The following PPM1B variants were observed in gnomAD, a reference collection of about 807,000 sequenced individuals.
PPM1B encodes protein phosphatase 1B.
In PPM1B, 22 loss-of-function variants were observed where a neutral mutation model predicts 43.0. The observed-to-expected ratio is 0.51, with a 90% confidence interval of 0.37 to 0.73. PPM1B has a LOEUF of 0.73. Among genes scored for constraint, PPM1B ranks in the 30% least tolerant of loss-of-function variants. PPM1B has a pLI of 0.00. For missense variants in PPM1B, 632 were observed against 584.2 expected, an observed-to-expected ratio of 1.08 and a Z score of -0.84; for synonymous variants, 217 against 197.9, an observed-to-expected ratio of 1.10 and a Z score of -0.81.
downstream of PPM1B, among the ~76,000 whole-genome samples, chr2:44,245,615 A>C (rs1670840701): frequency 6.6e-6 from 1 of 152,186 alleles, no homozygotes; most frequent in Admixed American, 6.5e-5. Flanking sequence ...CAGGTACAAA[A>C]ACCACCTGCC....
chr2:44,243,756 T>C (rs1298349665), intron 5 of PPM1B, among the ~76,000 whole-genome samples: 1 of 152,218 alleles, frequency 6.6e-6, no homozygotes, highest in Non-Finnish European at 1.5e-5. Context: ...TACTATACAT[T>C]TTATTATCTG....
At chr2:44,176,867 C>T (rs565363867) in intron 1 of PPM1B, among the ~76,000 whole-genome samples, 1 of 152,260 alleles carries the variant, frequency 6.6e-6, no homozygotes, top group East Asian at 1.9e-4. Flanking sequence ...TTGCAGCCGC[C>T]ACCTCCCAGT....
chr2:44,228,029 C>G (rs1054791179), intron 5 of PPM1B, among the ~76,000 whole-genome samples: 1 of 146,976 alleles, frequency 6.8e-6, no homozygotes, highest in African/African-American at 2.5e-5. Flanking sequence ...TCAAGCGATT[C>G]TCCTGCCTCA....
chr2:44,175,554 C>G (rs1021853987), intron 1 of PPM1B, among the ~76,000 whole-genome samples: 2 of 152,084 alleles, frequency 1.3e-5, no homozygotes, highest in Non-Finnish European at 2.9e-5. Context: ...TTCTGTTAAC[C>G]AGCAACTCAC....
chr2:44,234,909 G>C (rs563118126), downstream of PPM1B, among the ~76,000 whole-genome samples: 1 of 152,214 alleles, frequency 6.6e-6, no homozygotes, highest in South Asian at 2.1e-4. Context: ...TTTCATTTTT[G>C]TGAGCCCTTT....
intron 3 of PPM1B, among the ~76,000 whole-genome samples, chr2:44,217,168 G>T (rs987654917): frequency 3.9e-5 from 6 of 152,150 alleles, no homozygotes; most frequent in African/African-American, 1.4e-4. Context: ...GGGAGGCCGA[G>T]GTGGGTGGAT....
At chr2:44,170,445 AAACGT>A (rs1159058986) in intron 1 of PPM1B, among the ~76,000 whole-genome samples, 3 of 152,250 alleles carry the variant, frequency 2.0e-5, no homozygotes, top group Non-Finnish European at 4.4e-5. Context: ...TTCTGTTAAC[AAACGT>A]TTACAACTAC....
chr2:44,211,986 G>T (rs1669493408), intron 3 of PPM1B, among the ~76,000 whole-genome samples: 1 of 152,094 alleles, frequency 6.6e-6, no homozygotes, highest in African/African-American at 2.4e-5. Context: ...CTGACCTCAG[G>T]TGATCCGCCC....
chr2:44,202,855 T>C (rs1669004332), intron 2 of PPM1B, among the ~76,000 whole-genome samples: 1 of 152,192 alleles, frequency 6.6e-6, no homozygotes, highest in Non-Finnish European at 1.5e-5. Flanking sequence ...TACTCAGTTG[T>C]TTCAAGTGGG....
At chr2:44,182,620 G>A (rs188619500) in intron 1 of PPM1B, among the ~76,000 whole-genome samples, 1 of 152,090 alleles carries the variant, frequency 6.6e-6, no homozygotes, top group Non-Finnish European at 1.5e-5. Flanking sequence ...TTTTCTAATT[G>A]TGATTTGCTT....
At chr2:44,210,619 C>G (rs911286185) in intron 3 of PPM1B, among the ~76,000 whole-genome samples, 1 of 152,042 alleles carries the variant, frequency 6.6e-6, no homozygotes, top group African/African-American at 2.4e-5. Flanking sequence ...TTATGTAATA[C>G]CACGTTTGGC....
At position 44,201,660 on chromosome 2, in the gene PPM1B, C is replaced by T. The variant is rs1261802098; in HGVS notation, c.461C>T (p.Ala154Val). 1 of 1,614,184 alleles carries T rather than the reference C, an allele frequency of 6.2e-7. No homozygotes were observed. Among genetic ancestry groups the T allele is most frequent in the Non-Finnish European group, 8.5e-7 (1 of 1,180,036 alleles). ...IYFINCGDSR[A>V]VLYRNGQVCF... Reference sequence around the variant, plus strand: ...TTTATCAACTGTGGTGATTCACGTGCTGTTCTGTATAGGAATGGACAAGTC... The same window carrying T: ...TTTATCAACTGTGGTGATTCACGTGTTGTTCTGTATAGGAATGGACAAGTC... The change falls in exon 2 of 6, where the codon GCT becomes GTT. Residue 154 changes from alanine (A) to valine (V), a missense_variant. This residue lies in a region of PPM1B where 200 missense variants were observed against 200.7 expected (regional missense o/e 1.00). Transcript: ENST00000282412. The surrounding 1 kb of genome is among the most constrained non-coding windows in gnomAD (Gnocchi z 5.4).
chr2:44,201,631 C>A lies in PPM1B; in HGVS notation c.432C>A (p.Ile144=). 6.2e-7 allele frequency: 1 copy of A among 1,614,156 alleles called. No homozygotes were observed. The highest frequency in any genetic ancestry group is 1.1e-5 in the South Asian group (1 of 91,084). ...GAGTTATGATTTCACCTAAGCATATCTACTTTATCAACTGTGGTGATTCAC... is the reference window on the plus strand; with the variant it reads ...GAGTTATGATTTCACCTAAGCATATATACTTTATCAACTGTGGTGATTCAC... ...AVGVMISPKH[I]YFINCGDSRA... Residue 144 remains isoleucine (I), a synonymous_variant, in exon 2 of 6, where the codon ATC becomes ATA. Transcript: ENST00000282412. This position sits in a 1 kb window ranked among gnomAD's most constrained non-coding sequence, Gnocchi z 5.4.
At chr2:44,210,392 T>G (rs1011000678) in intron 3 of PPM1B, among the ~76,000 whole-genome samples, 4 of 151,978 alleles carry the variant, frequency 2.6e-5, no homozygotes, top group African/African-American at 7.2e-5. Flanking sequence ...CTAGTTTTCT[T>G]TATTTTTTGT....
chr2:44,182,169 T>C (rs928722014), intron 1 of PPM1B, among the ~76,000 whole-genome samples: 1 of 152,238 alleles, frequency 6.6e-6, no homozygotes, highest in African/African-American at 2.4e-5. Flanking sequence ...GGTTCTGAAA[T>C]GGCTGTATGT....
chr2:44,183,949 A>G (rs1357628198), intron 1 of PPM1B, among the ~76,000 whole-genome samples: 1 of 152,106 alleles, frequency 6.6e-6, no homozygotes, highest in Non-Finnish European at 1.5e-5. Flanking sequence ...CGTGTTAGCC[A>G]GTATGGTCTC....
At chr2:44,186,889 A>G (rs991451133) in intron 1 of PPM1B, among the ~76,000 whole-genome samples, 5 of 152,342 alleles carry the variant, frequency 3.3e-5, no homozygotes, top group African/African-American at 1.2e-4. Context: ...TGTAGTACAA[A>G]AAGCACATAA....
chr2:44,230,137 A>C, intron 5 of PPM1B: 1 of 1,454,254 alleles, frequency 6.9e-7, no homozygotes, highest in Non-Finnish European at 9.0e-7. Context: ...GTTGCTGTTG[A>C]ATTATAAAAG....
chr2:44,224,923 A>G (rs1260481872), intron 5 of PPM1B, among the ~76,000 whole-genome samples: 2 of 152,192 alleles, frequency 1.3e-5, no homozygotes, highest in East Asian at 3.8e-4. Flanking sequence ...CTTTAGTAAG[A>G]GTCTTACCTG....
Sources: gnomAD v4.1 joint callset for allele counts (sites outside exome capture counted in the v4.1 genomes callset) on GRCh38, gnomAD v4.1.1 for gene constraint, gnomAD v4.1.1 regional missense constraint, Gnocchi (gnomAD v3.1) non-coding constraint, MANE v1.5 for transcripts, NCBI Gene and HGNC (gene_info 2026-07-23, HGNC 2026-07-21) for gene names.